The following OSBPL10 variants were observed in gnomAD, a reference collection of about 807,000 sequenced individuals.
The protein encoded by OSBPL10 is oxysterol-binding protein-related protein 10.
OSBPL10 carries 49 observed loss-of-function variants against 81.7 expected under a neutral mutation model. The observed-to-expected ratio is 0.60, with a 90% CI of 0.48 to 0.76. The LOEUF (loss-of-function observed/expected upper bound fraction) is 0.76, where lower values mean the gene tolerates loss of function less well. OSBPL10 is among the 30% of genes least tolerant of loss of function. OSBPL10 has a pLI of 0.00. For missense variants in OSBPL10, 923 were observed against 987.8 expected (o/e 0.93, Z 0.88); for synonymous variants, 419 against 383.6 (o/e 1.09, Z -1.08).
At chr3:31,967,009 ATT>A (rs921219017) in intron 1 of OSBPL10, among the ~76,000 whole-genome samples, 2 of 146,912 alleles carry the variant, frequency 1.4e-5, no homozygotes, top group African/African-American at 5.0e-5. Context: ...CTCTGAGGGG[ATT>A]TTTTTTTTTT....
chr3:31,799,758 T>TAA (rs1699331457), intron 4 of OSBPL10, among the ~76,000 whole-genome samples: 1 of 152,236 alleles, frequency 6.6e-6, no homozygotes, highest in Admixed American at 6.5e-5. Flanking sequence ...CAGTGCTTTT[T>TAA]AAGTAATTAT....
intron 3 of OSBPL10, among the ~76,000 whole-genome samples, chr3:31,835,986 A>C (rs1267547708): frequency 6.6e-6 from 1 of 152,194 alleles, no homozygotes; most frequent in Non-Finnish European, 1.5e-5. Flanking sequence ...TAATTGCTTC[A>C]TATTGACCTC....
chr3:31,679,770 C>T (rs1700588572), intron 8 of OSBPL10, among the ~76,000 whole-genome samples: 2 of 152,018 alleles, frequency 1.3e-5, no homozygotes, highest in Admixed American at 6.6e-5. Flanking sequence ...CAATATAAAC[C>T]TCATAGCACG....
rs375094120 is a variant in OSBPL10 at position 31,915,940 on chromosome 3, T to TA, written c.282-36111dup. ...GAAACCCCGTCTCTACTAAAAAATA[T>TA]AAAAAATTAGCCAGGTGTGGTGGTG... On this transcript the variant is annotated intron_variant, in intron 1 of 11. Coordinates refer to ENST00000396556, the MANE Select transcript of OSBPL10 (RefSeq NM_017784.5). Among the ~76,000 whole-genome samples the TA allele has an allele frequency of 4.4e-3, 663 of 151,376 alleles. 4 individuals carry two copies. The highest frequency in any genetic ancestry group is 0.015 in the African/African-American group (626 of 41,268).
At chr3:32,003,109 G>A (rs1351290828) in intron 2 of OSBPL10, among the ~76,000 whole-genome samples, 1 of 152,222 alleles carries the variant, frequency 6.6e-6, no homozygotes, top group Non-Finnish European at 1.5e-5. Flanking sequence ...ACCAGAGTGG[G>A]GCAGAGGGTG....
At chr3:31,690,874 C>T (rs1219748942) in intron 7 of OSBPL10, among the ~76,000 whole-genome samples, 1 of 151,978 alleles carries the variant, frequency 6.6e-6, no homozygotes, top group Non-Finnish European at 1.5e-5. Context: ...ACTTCCTAGT[C>T]TGGTCTGATT....
chr3:31,684,062 G>A lies in OSBPL10; in HGVS notation c.1298C>T (p.Ala433Val). ...TAGGTCTGGGTGCGCCATGAAATCT[G>A]CATACATCTCCAGCAAAGATCGCTT... Reference protein sequence around the residue: ...LEKRSLLEMYADFMAHPDLLL... With the variant: ...LEKRSLLEMYVDFMAHPDLLL... The change falls in exon 8 of 12, where the codon GCA becomes GTA. Residue 433 changes from alanine to valine, a missense_variant. Transcript: ENST00000396556. 1.2e-6 allele frequency: 2 copies of A among 1,614,226 alleles called. No individual in the cohort carries two copies. Among genetic ancestry groups the A allele is most frequent in the Non-Finnish European group, 1.7e-6 (2 of 1,180,048 alleles).
intron 1 of OSBPL10, among the ~76,000 whole-genome samples, chr3:31,918,666 T>C (rs950657670): frequency 2.0e-5 from 3 of 152,070 alleles, no homozygotes; most frequent in Non-Finnish European, 2.9e-5. Context: ...GCAAAGTCAG[T>C]GTATGGGGTA....
At chr3:31,665,737 G>A (rs1176517728) in intron 10 of OSBPL10, among the ~76,000 whole-genome samples, 1 of 152,168 alleles carries the variant, frequency 6.6e-6, no homozygotes, top group African/African-American at 2.4e-5. Flanking sequence ...AATGAGGGGT[G>A]GGTGTTGGGT....
At chr3:31,827,049 AC>A (rs1700118509) in intron 4 of OSBPL10, among the ~76,000 whole-genome samples, 1 of 152,140 alleles carries the variant, frequency 6.6e-6, no homozygotes, top group African/African-American at 2.4e-5. Flanking sequence ...CAAAAGCCAA[AC>A]CAAATGGCTA....
intron 1 of OSBPL10, 136 bp downstream of exon 1, chr3:31,980,763 T>G: frequency 7.9e-6 from 9 of 1,145,222 alleles, no homozygotes; most frequent in Non-Finnish European, 1.0e-5. Flanking sequence ...AAGGGCACCG[T>G]TGGGAGGCAT....
chr3:31,833,705 G>A (rs28476648), intron 3 of OSBPL10, among the ~76,000 whole-genome samples: 51,149 of 137,204 alleles, frequency 0.37, 9,596 homozygotes, highest in Admixed American at 0.47. Flanking sequence ...ACACGCACAC[G>A]CACACACACA....
rs141225856 is a variant in OSBPL10 at position 31,742,411 on chromosome 3, T to C, written c.940+5499A>G. Reference sequence around the variant, plus strand: ...ATCTTTTAAGTGGATGAAGAGTTATTGCAAGGATGAGTTAAGGAAAGTATA... The same window carrying C: ...ATCTTTTAAGTGGATGAAGAGTTATCGCAAGGATGAGTTAAGGAAAGTATA... On this transcript the variant is annotated intron_variant, in intron 5 of 11. Coordinates refer to ENST00000396556, the MANE Select transcript of OSBPL10 (RefSeq NM_017784.5). Among the ~76,000 whole-genome samples the C allele has an allele frequency of 4.2e-3, 634 of 150,570 alleles. 1 individual carries two copies. Among genetic ancestry groups the C allele is most frequent in the Non-Finnish European group, 6.3e-3 (425 of 67,622 alleles).
At chr3:31,794,099 G>A (rs2125431652) in intron 4 of OSBPL10, among the ~76,000 whole-genome samples, 1 of 152,296 alleles carries the variant, frequency 6.6e-6, no homozygotes, top group Non-Finnish European at 1.5e-5. Context: ...CAGGTCTTCA[G>A]CCTCGTGATG....
chr3:31,868,525 G>A (rs1701238807), intron 3 of OSBPL10, among the ~76,000 whole-genome samples: 1 of 152,096 alleles, frequency 6.6e-6, no homozygotes. Flanking sequence ...CTTTAGGGAT[G>A]AAACATCAAG....
chr3:31,992,531 T>C (rs6795220), intron 2 of OSBPL10, among the ~76,000 whole-genome samples: 52,706 of 151,984 alleles, frequency 0.35, 12,799 homozygotes, highest in African/African-American at 0.69. Flanking sequence ...GTTCCTGGTT[T>C]TTGGCCCCTT....
At chr3:31,938,269 G>C (rs762829364) in intron 1 of OSBPL10, among the ~76,000 whole-genome samples, 5 of 151,864 alleles carry the variant, frequency 3.3e-5, no homozygotes, top group Admixed American at 6.6e-5. Flanking sequence ...ACTAACCAAT[G>C]ATCTCAACTC....
intron 4 of OSBPL10, among the ~76,000 whole-genome samples, chr3:31,815,517 G>T (rs1438482953): frequency 6.6e-6 from 1 of 152,176 alleles, no homozygotes; most frequent in East Asian, 1.9e-4. Flanking sequence ...TCCTGGCAGG[G>T]GGGCAGAGAG....
intron 3 of OSBPL10, among the ~76,000 whole-genome samples, chr3:31,850,473 T>C (rs1201219982): frequency 1.3e-5 from 2 of 152,176 alleles, no homozygotes; most frequent in African/African-American, 4.8e-5. Flanking sequence ...CACATTTACA[T>C]GCCCAGAATG....
Sources: gnomAD v4.1 joint callset for allele counts (sites outside exome capture counted in the v4.1 genomes callset) on GRCh38, gnomAD v4.1.1 for gene constraint, MANE v1.5 for transcripts, NCBI Gene and HGNC (gene_info 2026-07-23, HGNC 2026-07-21) for gene names.